The following ATRNL1 variants were observed in gnomAD, a reference collection of about 807,000 sequenced individuals.
ATRNL1 encodes the protein attractin-like protein 1.
ATRNL1 carries 95 observed loss-of-function variants against 182.7 expected under a neutral mutation model. That is an observed-to-expected ratio of 0.52 (90% CI 0.44 to 0.62). The LOEUF is 0.62. Among genes scored for constraint, ATRNL1 ranks in the 20% least tolerant of loss-of-function variants. ATRNL1 has a pLI of 0.00. For missense variants in ATRNL1, 1,471 were observed against 1,679.5 expected (o/e 0.88, Z 2.17); for synonymous variants, 576 against 568.3 (o/e 1.01, Z -0.19).
intron 21 of ATRNL1, among the ~76,000 whole-genome samples, chr10:115,428,376 TTTTC>T (rs1291035869): frequency 6.6e-6 from 1 of 152,074 alleles, no homozygotes. Context: ...CTCTTGATGG[TTTTC>T]TTTCTTTTTT....
At chr10:115,426,182 C>A in intron 20 of ATRNL1, 68 bp from the exon 21 acceptor site, 1 of 1,298,558 alleles carries the variant, frequency 7.7e-7, no homozygotes, top group Non-Finnish European at 1.1e-6. Context: ...TACTTTTTTG[C>A]TTGAAGAAAA....
intron 19 of ATRNL1, among the ~76,000 whole-genome samples, chr10:115,376,610 C>T (rs1461320084): frequency 6.6e-6 from 1 of 152,194 alleles, no homozygotes; most frequent in African/African-American, 2.4e-5. Context: ...CCTTCTGCCT[C>T]AGCCTTTCAA....
chr10:115,727,390 C>G, intron 27 of ATRNL1, 35 bp downstream of exon 27: 3 of 1,496,622 alleles, frequency 2.0e-6, no homozygotes, highest in Non-Finnish European at 1.9e-6. Context: ...GACCACTGTG[C>G]TTTGCATATT....
intron 20 of ATRNL1, among the ~76,000 whole-genome samples, chr10:115,395,028 C>T (rs1482840715): frequency 1.3e-5 from 2 of 151,968 alleles, no homozygotes; most frequent in African/African-American, 4.8e-5. Context: ...TCCTGCCTCT[C>T]TCTCTCTAGC....
At chr10:115,944,467 C>A (rs1555124983) in intron 28 of ATRNL1, among the ~76,000 whole-genome samples, 191 bp from the exon 29 acceptor site, 1 of 152,018 alleles carries the variant, frequency 6.6e-6, no homozygotes, top group African/African-American at 2.4e-5. Context: ...TCTTCTTCTT[C>A]CTTGGTGAAG....
chr10:115,837,874 G>A (rs1589583680), intron 27 of ATRNL1, among the ~76,000 whole-genome samples: 1 of 152,256 alleles, frequency 6.6e-6, no homozygotes, highest in East Asian at 1.9e-4. Flanking sequence ...AAGGGAAAGG[G>A]AACTATTAAC....
chr10:115,888,780 C>A (rs1296792408), intron 28 of ATRNL1, among the ~76,000 whole-genome samples: 1 of 152,152 alleles, frequency 6.6e-6, no homozygotes, highest in Non-Finnish European at 1.5e-5. Flanking sequence ...ACGATTTAGG[C>A]CCCCTTCATC....
At chr10:115,116,558 T>A (rs1216510307) in intron 1 of ATRNL1, among the ~76,000 whole-genome samples, 4 of 152,192 alleles carry the variant, frequency 2.6e-5, no homozygotes, top group African/African-American at 7.2e-5. Flanking sequence ...AAGTATGTAA[T>A]GGGAATGCTT....
chr10:115,636,334 G>A lies in ATRNL1; in HGVS notation c.3795+86798G>A, dbSNP rs568253547. Among the ~76,000 whole-genome samples the A allele has an allele frequency of 6.6e-5, 10 of 152,248 alleles. No homozygotes were observed. In the South Asian group the frequency reaches 2.1e-3, roughly 32 times the overall value. ...CCACCACATCCCTATCTCACAGAGA[G>A]ACATCCTGCAGCCAGCCCTGGAAAA... On this transcript the variant is annotated intron_variant, in intron 26 of 28. Coordinates refer to ENST00000355044, the MANE Select transcript of ATRNL1 (RefSeq NM_207303.4).
chr10:115,842,740 A>G (rs555875896), intron 27 of ATRNL1, among the ~76,000 whole-genome samples: 3 of 152,162 alleles, frequency 2.0e-5, no homozygotes, highest in Admixed American at 6.6e-5. Flanking sequence ...TTTTAGTAAT[A>G]TTGTATAGTG....
At chr10:115,327,178 C>T (rs557001477) in intron 18 of ATRNL1, among the ~76,000 whole-genome samples, 20 of 151,572 alleles carry the variant, frequency 1.3e-4, no homozygotes, top group African/African-American at 4.8e-4. Context: ...TTTTCGCAAC[C>T]TACTCATCTG....
intron 5 of ATRNL1, among the ~76,000 whole-genome samples, chr10:115,140,137 T>C (rs1262466288): frequency 6.6e-6 from 1 of 152,206 alleles, no homozygotes; most frequent in Admixed American, 6.5e-5. Flanking sequence ...GCATCACTTA[T>C]TAAGACTGAG....
At chr10:115,701,163 C>G (rs1946723052) in intron 26 of ATRNL1, among the ~76,000 whole-genome samples, 1 of 151,950 alleles carries the variant, frequency 6.6e-6, no homozygotes, top group African/African-American at 2.4e-5. Flanking sequence ...CTCTCAAAAC[C>G]ACACAATTAC....
intron 28 of ATRNL1, among the ~76,000 whole-genome samples, chr10:115,936,323 A>T (rs1409469380): frequency 1.3e-5 from 2 of 152,176 alleles, no homozygotes; most frequent in Non-Finnish European, 2.9e-5. Context: ...CGTGTGCTAG[A>T]TCCACTAAAA....
intron 19 of ATRNL1, among the ~76,000 whole-genome samples, chr10:115,365,847 A>G (rs1564959334): frequency 6.6e-6 from 1 of 152,072 alleles, no homozygotes. Context: ...GAGATTCTTA[A>G]TCCTGAGTTC....
intron 8 of ATRNL1, among the ~76,000 whole-genome samples, chr10:115,201,093 T>G (rs1297203999): frequency 1.3e-5 from 2 of 149,408 alleles, no homozygotes; most frequent in Non-Finnish European, 3.0e-5. Context: ...TTTTTTTTTG[T>G]AAATTTGTTT....
chr10:115,112,141 A>G (rs1844284494), intron 1 of ATRNL1, among the ~76,000 whole-genome samples: 1 of 152,204 alleles, frequency 6.6e-6, no homozygotes, highest in Non-Finnish European at 1.5e-5. Context: ...AACATTAATG[A>G]AAGAAATTGA....
At chr10:115,521,528 A>G (rs1850935758) in intron 25 of ATRNL1, among the ~76,000 whole-genome samples, 1 of 152,200 alleles carries the variant, frequency 6.6e-6, no homozygotes, top group South Asian at 2.1e-4. Context: ...AATTTCACAA[A>G]GTTGAATATG....
intron 24 of ATRNL1, among the ~76,000 whole-genome samples, chr10:115,486,998 C>T (rs1849058303): frequency 6.6e-6 from 1 of 152,102 alleles, no homozygotes; most frequent in South Asian, 2.1e-4. Flanking sequence ...ACAGGGAATC[C>T]TTCCCCCATT....
Sources: allele counts gnomAD v4.1 joint callset (sites outside exome capture counted in the v4.1 genomes callset), GRCh38; gene constraint gnomAD v4.1.1; transcripts MANE v1.5; gene names NCBI Gene and HGNC (gene_info 2026-07-23, HGNC 2026-07-21).